Variants in C11orf65 observed in about 807,000 individuals in gnomAD.
C11orf65 encodes the protein chromosome 11 open reading frame 65, also known as protein MFI.
In C11orf65, 38 loss-of-function variants were observed where a neutral mutation model predicts 35.3. That is an observed-to-expected ratio of 1.08 (90% CI 0.83 to 1.41). The LOEUF is 1.41. C11orf65 is among the 40% of genes most tolerant of loss of function. The pLI is 0.00. For synonymous variants in C11orf65, 105 were observed against 114.4 expected, an observed-to-expected ratio of 0.92 and a Z score of 0.53; for missense variants, 370 against 367.1, an observed-to-expected ratio of 1.01 and a Z score of -0.06.
In C11orf65 at chr11:108,350,182, A is replaced by G. The variant is rs568405678; in HGVS notation, c.227-14890T>C. 3.1e-3 allele frequency among the ~76,000 whole-genome samples: 473 copies of G among 152,288 alleles called. 6 individuals are homozygous for G. The highest frequency in any genetic ancestry group is 0.011 in the African/African-American group (460 of 41,552). ...CAATCCTAAATTTGTAGTGGAGCCA[A>G]TAGGGTTGTTGTATGATTTTCCAGC... is the stretch of plus-strand genomic sequence containing the variant. On this transcript the variant is annotated intron_variant, in intron 2 of 3. Transcript: ENST00000524755.
downstream of C11orf65, among the ~76,000 whole-genome samples, chr11:108,379,638 A>T (rs146160956): frequency 6.1e-3 from 933 of 151,874 alleles, 11 homozygotes; most frequent in African/African-American, 0.021. Flanking sequence ...ATAATAAAAT[A>T]AAATTAAAAA....
At chr11:108,309,934 C>G (rs2136004299) in intron 6 of C11orf65, among the ~76,000 whole-genome samples, 1 of 151,996 alleles carries the variant, frequency 6.6e-6, no homozygotes, top group South Asian at 2.1e-4. Context: ...ATCAGATTCT[C>G]TGATAGGTTT....
chr11:108,465,995 AAAC>A lies in C11orf65; in HGVS notation c.-10+1473_-10+1475del, dbSNP rs1223328038. Among the ~76,000 whole-genome samples, 223 of 99,462 alleles carry A rather than the reference AAAC, an allele frequency of 2.2e-3. 2 individuals carry two copies. In the Middle Eastern group the frequency reaches 0.041, roughly 18 times the overall value. 65.3% of individuals were successfully genotyped at this position (99,462 alleles called of 152,430 possible). ...TGAAACTCGGTCTAAAAAAAAAAAA[AAAC>A]AACAACAACAACAAAAAACGACAGA... On this transcript the variant is annotated intron_variant, in intron 1 of 8. Transcript: ENST00000393084.
downstream of C11orf65, among the ~76,000 whole-genome samples, chr11:108,330,019 T>C (rs117162326): frequency 9.8e-3 from 1,500 of 152,328 alleles, 15 homozygotes; most frequent in Non-Finnish European, 0.017. Flanking sequence ...CTTTGTCCTT[T>C]GATGCTTAGG....
At chr11:108,366,262 A>G (rs2091324863) in intron 2 of C11orf65, 2 of 203,298 alleles carry the variant, frequency 9.8e-6, no homozygotes, top group Non-Finnish European at 2.0e-5. Flanking sequence ...ATTGCCTTCT[A>G]GTTCATGAAT....
At chr11:108,440,017 GAAT>G (rs1352804458) in intron 2 of C11orf65, among the ~76,000 whole-genome samples, 2 of 152,118 alleles carry the variant, frequency 1.3e-5, no homozygotes, top group African/African-American at 2.4e-5. Flanking sequence ...TTTAAAACAA[GAAT>G]AATAATGTCT....
At chr11:108,357,884 GC>G (rs2090207402) in intron 2 of C11orf65, among the ~76,000 whole-genome samples, 2 of 151,306 alleles carry the variant, frequency 1.3e-5, no homozygotes, top group African/African-American at 4.9e-5. Flanking sequence ...AAAACGCAGA[GC>G]ACCTCTCCTC....
chr11:108,447,300 A>C (rs1194453407), intron 2 of C11orf65, among the ~76,000 whole-genome samples: 3 of 152,102 alleles, frequency 2.0e-5, no homozygotes. Context: ...ACATCTACAG[A>C]ACTCTCCACC....
chr11:108,449,382 A>C (rs1458272866), intron 2 of C11orf65, among the ~76,000 whole-genome samples: 6 of 151,966 alleles, frequency 3.9e-5, no homozygotes, highest in Admixed American at 1.3e-4. Flanking sequence ...CTGACTTCAA[A>C]CTATACTACA....
chr11:108,335,735 G>T, intron 2 of C11orf65: 1 of 771,228 alleles, frequency 1.3e-6, no homozygotes, highest in Non-Finnish European at 2.3e-6. Context: ...CTGTCAAGAG[G>T]TGCACAGATG....
downstream of C11orf65, chr11:108,327,744 A>T (rs2136378938): frequency 6.2e-7 from 1 of 1,613,756 alleles, no homozygotes; most frequent in Non-Finnish European, 8.5e-7. Flanking sequence ...CATCATGCAG[A>T]CCTATCTAGA....
intron 2 of C11orf65, among the ~76,000 whole-genome samples, chr11:108,450,096 C>T (rs1284937452): frequency 6.6e-6 from 1 of 151,952 alleles, no homozygotes; most frequent in Non-Finnish European, 1.5e-5. Context: ...CCATCTCATA[C>T]CAGTTAGAAT....
intron 2 of C11orf65, among the ~76,000 whole-genome samples, chr11:108,346,990 AG>A (rs2088500347): frequency 6.6e-6 from 1 of 152,166 alleles, no homozygotes; most frequent in Admixed American, 6.5e-5. Context: ...TCTCAACTTT[AG>A]CCACAATAAT....
chr11:108,445,350 C>T (rs1330908859), intron 2 of C11orf65, among the ~76,000 whole-genome samples: 2 of 152,274 alleles, frequency 1.3e-5, no homozygotes, highest in East Asian at 1.9e-4. Flanking sequence ...CTGGGAGGCA[C>T]CCCCCAGTAA....
At chr11:108,353,020 C>T (rs947401330) in intron 2 of C11orf65, among the ~76,000 whole-genome samples, 2 of 151,864 alleles carry the variant, frequency 1.3e-5, no homozygotes, top group African/African-American at 2.4e-5. Flanking sequence ...TTGACTGCAT[C>T]GATGTCAGTA....
chr11:108,317,282 TA>T, intron 6 of C11orf65: 2 of 1,373,854 alleles, frequency 1.5e-6, no homozygotes, highest in Non-Finnish European at 2.0e-6. Context: ...AAAATTTGTC[TA>T]AGTTAATTTG....
chr11:108,463,762 A>C (rs2093499753), intron 1 of C11orf65, among the ~76,000 whole-genome samples: 2 of 152,186 alleles, frequency 1.3e-5, no homozygotes, highest in African/African-American at 2.4e-5. Context: ...AAATCATATT[A>C]TTATAATACA....
At chr11:108,381,990 C>G (rs2091875730), downstream of C11orf65, among the ~76,000 whole-genome samples, 1 of 152,144 alleles carries the variant, frequency 6.6e-6, no homozygotes, top group Non-Finnish European at 1.5e-5. Flanking sequence ...TGAGGCCACT[C>G]AAGCTATCCT....
At chr11:108,449,309 A>G (rs1230467796) in intron 2 of C11orf65, among the ~76,000 whole-genome samples, 1 of 151,934 alleles carries the variant, frequency 6.6e-6, no homozygotes, top group Non-Finnish European at 1.5e-5. Context: ...GGAACCAAAA[A>G]AAGAGCCCAC....
Sources: gnomAD v4.1 joint callset for allele counts (sites outside exome capture counted in the v4.1 genomes callset) on GRCh38, gnomAD v4.1.1 for gene constraint, MANE v1.5 for transcripts, NCBI Gene and HGNC (gene_info 2026-07-23, HGNC 2026-07-21) for gene names.